CROCC: variants seen among roughly 807,000 people sequenced by gnomAD.
The protein encoded by CROCC is rootletin.
In CROCC, 180 loss-of-function variants were observed where a neutral mutation model predicts 245.2. The observed-to-expected ratio is 0.73, with a 90% CI of 0.65 to 0.83. The LOEUF (loss-of-function observed/expected upper bound fraction) is 0.83, where lower values mean the gene tolerates loss of function less well. CROCC is among the 40% of genes least tolerant of loss of function. CROCC has a pLI of 0.00. For synonymous variants in CROCC, 1,205 were observed against 1,241.6 expected (o/e 0.97, Z 0.62); for missense variants, 2,688 against 2,779.4 (o/e 0.97, Z 0.74).
At position 16,969,785 on chromosome 1, in the gene CROCC, G is replaced by A. The variant is rs1385132940; in HGVS notation, c.5302G>A (p.Glu1768Lys). ...ACEHDRQVLQ[E>K]RLDAARQALS... ...GGCACCATCAGCCCCTGTCCCCCAG[G>A]AACGGCTGGATGCCGCCCGGCAGGC... is the stretch of plus-strand genomic sequence containing the variant. Residue 1768 changes from glutamate (E) to lysine (K), a missense_variant and splice_region_variant, in exon 33 of 37, where the codon GAA (glutamate) becomes AAA (lysine). Glu to Lys is a moderately conservative substitution (Grantham distance 56). Transcript: ENST00000375541. 1.9e-6 allele frequency: 3 copies of A among 1,612,030 alleles called. No individual in the cohort carries two copies. The highest frequency in any genetic ancestry group is 2.2e-5 in the East Asian group (1 of 44,856).
Position 16,966,640 on chromosome 1 carries a change from T to A in CROCC, c.4860+69T>A. ...TACCCGAGTGAGTGTCTAACTCTTATGTGTGTCTCCCTGTGTCTGTCTGCC... is the reference window on the plus strand; with the variant it reads ...TACCCGAGTGAGTGTCTAACTCTTAAGTGTGTCTCCCTGTGTCTGTCTGCC... On this transcript the variant is annotated intron_variant, in intron 30 of 36. Transcript: ENST00000375541. This position sits in a 1 kb window ranked among gnomAD's most constrained non-coding sequence, Gnocchi z 4.8. 1 of 1,413,992 alleles carries A rather than the reference T, an allele frequency of 7.1e-7. No individual in the cohort carries two copies. The highest frequency in any genetic ancestry group is 1.5e-5 in the South Asian group (1 of 67,428). The allele number at this position is 1,413,992 out of a possible 1,614,324, so 87.6% of individuals were successfully genotyped here. A position where few individuals can be genotyped will look rare whatever the true frequency, so the allele number is the denominator to read the frequency against.
intron 30 of CROCC, among the ~76,000 whole-genome samples, chr1:16,967,892 C>T (rs752860750): frequency 4.9e-4 from 75 of 152,274 alleles, no homozygotes; most frequent in Non-Finnish European, 5.4e-4. Context: ...GGTTGTGGTA[C>T]CCTGGGACCA....
intron 16 of CROCC, 108 bp downstream of exon 16, chr1:16,946,513 T>C (rs2076050368): frequency 6.9e-7 from 1 of 1,439,918 alleles, no homozygotes; most frequent in Non-Finnish European, 9.5e-7. Context: ...CCTCCCTTTC[T>C]GTCCCTGGTT....
chr1:16,922,123 G>GCCCCTGTC (rs2075421273), intron 1 of CROCC, 45 bp downstream of exon 1: 6 of 1,490,540 alleles, frequency 4.0e-6, no homozygotes, highest in Middle Eastern at 1.7e-4. Context: ...GCGGGGCAGC[G>GCCCCTGTC]TGGACTTAAC....
Position 16,929,906 on chromosome 1 carries a change from G to C in CROCC, c.412G>C (p.Val138Leu). The change falls in exon 4 of 37, where the codon GTA becomes CTA. Residue 138 changes from valine to leucine, a missense_variant. Val to Leu is a conservative substitution (Grantham distance 32). Around this residue, in one of 9 missense-constraint regions of CROCC, gnomAD observed 972 missense variants for 895.3 expected, o/e 1.09. Transcript: ENST00000375541. The stretch of plus-strand genomic sequence containing the variant: ...GGAGACGCAGGAGCCCAGGGGGCTG[G>C]TACGGCAGAGCGTGGAGTTGCGGAG... ...ELETQEPRGLVRQSVELRRQL... is the reference protein window; with the variant it reads ...ELETQEPRGLLRQSVELRRQL... 1.3e-6 allele frequency: 2 copies of C among 1,589,004 alleles called. No individual in the cohort carries two copies. Among genetic ancestry groups the C allele is most frequent in the Non-Finnish European group, 8.5e-7 (1 of 1,171,214 alleles).
intron 30 of CROCC, 33 bp from the exon 31 acceptor site, chr1:16,968,170 G>T: frequency 1.3e-6 from 2 of 1,546,090 alleles, no homozygotes; most frequent in South Asian, 2.4e-5. Flanking sequence ...GGGTGCACTG[G>T]ACGTCTGGGC....
rs1449537154 is a variant in CROCC at position 16,972,553 on chromosome 1, G to A, written c.*107G>A. 1.4e-6 allele frequency: 1 copy of A among 738,844 alleles called. No individual in the cohort carries two copies. Among genetic ancestry groups the A allele is most frequent in the Non-Finnish European group, 2.2e-6 (1 of 465,006 alleles). The allele number at this position is 738,844 out of a possible 1,614,324, so 45.8% of individuals were successfully genotyped here. On this transcript the variant is annotated 3_prime_UTR_variant, in exon 37 of 37. Transcript: ENST00000375541. ...CCGGTCCCTTGGGGGCCTCAAGCTG[G>A]GGTGGGATGAGGAGGCGCTCTGCTG... is the stretch of plus-strand genomic sequence containing the variant.
Position 16,966,093 on chromosome 1 carries a change from A to G in CROCC, c.4670A>G (p.Gln1557Arg). 1 of 1,613,288 alleles carries G rather than the reference A, an allele frequency of 6.2e-7. No individual in the cohort carries two copies. The highest frequency in any genetic ancestry group is 8.5e-7 in the Non-Finnish European group (1 of 1,179,380). Residue 1557 changes from glutamine to arginine, a missense_variant, in exon 29 of 37, where the codon CAG becomes CGG. Physicochemically the swap from Gln to Arg is conservative, Grantham distance 43. Coordinates refer to ENST00000375541, the MANE Select transcript of CROCC (RefSeq NM_014675.5). This position sits in a 1 kb window ranked among gnomAD's most constrained non-coding sequence, Gnocchi z 4.8. ...DSATSRARQL[Q>R]KAVAESEEAR... ...GCAACCTCGAGGGCCAGGCAGCTGC[A>G]GAAGGCGGTGGCTGAGAGTGAGGAA...
At chr1:16,970,518 A>G (rs2076499068) in intron 34 of CROCC, 65 bp downstream of exon 34, 1 of 1,492,712 alleles carries the variant, frequency 6.7e-7, no homozygotes, top group Admixed American at 2.2e-5. Flanking sequence ...ATCCCACTGC[A>G]CATCCCCAGG....
At position 16,956,232 on chromosome 1, in the gene CROCC, AC is replaced by A. The variant is rs959581088; in HGVS notation, c.3864+77del. On this transcript the variant is annotated intron_variant, in intron 25 of 36. Coordinates refer to ENST00000375541, the MANE Select transcript of CROCC (RefSeq NM_014675.5). Reference sequence around the variant, plus strand: ...CCAATAGCTCCCCCTTTCTGGAATTACGTTTCTACCCCTATGTAAAACCAGG... The same window carrying A: ...CCAATAGCTCCCCCTTTCTGGAATTAGTTTCTACCCCTATGTAAAACCAGG... 9.3e-6 allele frequency: 13 copies of A among 1,401,652 alleles called. No individual in the cohort carries two copies. In the African/African-American group the frequency reaches 1.6e-4, roughly 17 times the overall value. 86.8% of individuals were successfully genotyped at this position (1,401,652 alleles called of 1,614,324 possible). A position where few individuals can be genotyped will look rare whatever the true frequency, so the allele number is the denominator to read the frequency against.
intron 25 of CROCC, among the ~76,000 whole-genome samples, chr1:16,957,411 A>T (rs2076265615): frequency 6.6e-6 from 1 of 152,160 alleles, no homozygotes; most frequent in South Asian, 2.1e-4. Context: ...TGACTCTAAA[A>T]AAAGTTTTTA....
chr1:16,953,007 C>T, intron 20 of CROCC: 1 of 375,608 alleles, frequency 2.7e-6, no homozygotes, highest in South Asian at 3.4e-5. Flanking sequence ...TAGGCCTTTC[C>T]AGGGGCTGTG....
rs1318603903 is a variant in CROCC at position 16,948,590 on chromosome 1, A to T, written c.2708+66A>T. ...TCCTGGGGCCACACCATGACCAGCC[A>T]CACGCAGGCACGGGCCCCCAGGGGC... On this transcript the variant is annotated intron_variant, in intron 18 of 36. Coordinates refer to ENST00000375541, the MANE Select transcript of CROCC (RefSeq NM_014675.5). The T allele has an allele frequency of 8.1e-6, 12 of 1,473,130 alleles. No individual in the cohort carries two copies. In the African/African-American group the frequency reaches 9.8e-5, roughly 12 times the overall value. 91.3% of individuals were successfully genotyped at this position (1,473,130 alleles called of 1,614,324 possible).
chr1:16,929,119 A>C (rs2075604172), intron 3 of CROCC, among the ~76,000 whole-genome samples: 1 of 152,268 alleles, frequency 6.6e-6, no homozygotes, highest in Non-Finnish European at 1.5e-5. Context: ...GAGCCACTGC[A>C]CCCAGCCAGA....
At chr1:16,960,551 A>C (rs1300331336) in intron 26 of CROCC, among the ~76,000 whole-genome samples, 1 of 152,250 alleles carries the variant, frequency 6.6e-6, no homozygotes, top group Non-Finnish European at 1.5e-5. Flanking sequence ...CAAGGCTTGT[A>C]TAAAGAATAA....
Position 16,924,382 on chromosome 1 carries a change from T to C in CROCC, c.254T>C (p.Leu85Pro). ...SLLSLQEENQ[L>P]LQQELSRVED... ...CTGTCGCTGCAGGAGGAGAACCAGC[T>C]GCTGCAGCAGGAGCTGTCCCGCGTG... Residue 85 changes from leucine (L) to proline (P), a missense_variant, in exon 3 of 37, where the codon CTG becomes CCG. By Grantham distance (98) the Leu-to-Pro change is moderately conservative. Coordinates refer to ENST00000375541, the MANE Select transcript of CROCC (RefSeq NM_014675.5). 6.2e-7 allele frequency: 1 copy of C among 1,613,330 alleles called. No homozygotes were observed. The highest frequency in any genetic ancestry group is 2.2e-5 in the East Asian group (1 of 44,892).
intron 31 of CROCC, among the ~76,000 whole-genome samples, chr1:16,968,856 C>T (rs1324425017): frequency 6.6e-6 from 1 of 152,156 alleles, no homozygotes; most frequent in Non-Finnish European, 1.5e-5. Flanking sequence ...GGAGTGAGGA[C>T]AGGGAGGAGA....
intron 16 of CROCC, 67 bp from the exon 17 acceptor site, chr1:16,946,694 G>A: frequency 3.4e-6 from 5 of 1,469,830 alleles, no homozygotes; most frequent in Non-Finnish European, 4.6e-6. Context: ...GTGGGTGGGT[G>A]GAGGAGGCGT....
chr1:16,921,836 A>G, upstream of CROCC: 1 of 606,104 alleles, frequency 1.6e-6, no homozygotes, highest in East Asian at 3.1e-5. Flanking sequence ...GTCCTTTCCC[A>G]TCCCCTCCCT....
Sources: allele counts gnomAD v4.1 joint callset (sites outside exome capture counted in the v4.1 genomes callset), GRCh38; gene constraint gnomAD v4.1.1; regional missense constraint gnomAD v4.1.1; non-coding constraint Gnocchi (gnomAD v3.1); transcripts MANE v1.5; gene names NCBI Gene and HGNC (gene_info 2026-07-23, HGNC 2026-07-21).